The following TMTC2 variants were observed in gnomAD, a reference collection of about 807,000 sequenced individuals.
TMTC2 encodes the protein transmembrane O-mannosyltransferase targeting cadherins 2.
A neutral mutation model predicts 82.4 loss-of-function variants in TMTC2; 43 were observed. The ratio of observed to expected loss-of-function variants is 0.52; its 90% CI spans 0.41 to 0.67. TMTC2 has a LOEUF of 0.67. Ranked by LOEUF, TMTC2 falls within the 30% of genes least tolerant of loss-of-function variation. The pLI is 0.00. For synonymous variants in TMTC2, 408 were observed against 381.9 expected, an observed-to-expected ratio of 1.07 and a Z score of -0.80; for missense variants, 919 against 1,012.4, an observed-to-expected ratio of 0.91 and a Z score of 1.25.
At chr12:82,911,918 G>T (rs1014007244) in intron 3 of TMTC2, among the ~76,000 whole-genome samples, 3 of 152,092 alleles carry the variant, frequency 2.0e-5, no homozygotes, top group Non-Finnish European at 2.9e-5. Context: ...CCCATACTCG[G>T]ATTTGGTTAG....
intron 3 of TMTC2, among the ~76,000 whole-genome samples, chr12:82,918,149 A>G (rs1875128352): frequency 6.6e-6 from 1 of 152,034 alleles, no homozygotes; most frequent in South Asian, 2.1e-4. Flanking sequence ...GACTCAAGCA[A>G]TCCGCCCAGC....
At chr12:83,022,346 T>G (rs1482269676) in intron 8 of TMTC2, among the ~76,000 whole-genome samples, 1 of 146,688 alleles carries the variant, frequency 6.8e-6, no homozygotes, top group Non-Finnish European at 1.5e-5. Flanking sequence ...CCTTTGTCAC[T>G]TTATCACACA....
At position 82,951,970 on chromosome 12, in the gene TMTC2, T is replaced by G. The variant is rs555696570; in HGVS notation, c.1599-13054T>G. ...ATATGAGTAATGAGAATTCTTTTGC[T>G]TGGTCCTCGAATACAAAGTCTGCTA... On this transcript the variant is annotated intron_variant, in intron 4 of 11. Coordinates refer to ENST00000321196, the MANE Select transcript of TMTC2 (RefSeq NM_152588.3). Among the ~76,000 whole-genome samples, 73 of 152,304 alleles carry G rather than the reference T, an allele frequency of 4.8e-4. 1 individual carries two copies. The South Asian group carries it at 0.014, about 30-fold the overall frequency.
chr12:82,827,478 T>G (rs1869480727), intron 1 of TMTC2, among the ~76,000 whole-genome samples: 1 of 152,144 alleles, frequency 6.6e-6, no homozygotes. Flanking sequence ...TATTACGGCT[T>G]AAGTGGGGAA....
intron 2 of TMTC2, among the ~76,000 whole-genome samples, chr12:82,863,472 C>G (rs1871655093): frequency 6.6e-6 from 1 of 152,128 alleles, no homozygotes; most frequent in African/African-American, 2.4e-5. Flanking sequence ...AAACTTTGAA[C>G]AGCTGCCAAC....
chr12:83,038,069 T>C (rs1445232475), intron 9 of TMTC2, among the ~76,000 whole-genome samples: 1 of 134,368 alleles, frequency 7.4e-6, no homozygotes, highest in African/African-American at 2.8e-5. Flanking sequence ...TTCTCACTCA[T>C]AGGTAGGAAT....
intron 2 of TMTC2, among the ~76,000 whole-genome samples, chr12:82,869,096 T>C (rs1033072709): frequency 6.6e-5 from 10 of 152,252 alleles, no homozygotes; most frequent in African/African-American, 2.4e-4. Flanking sequence ...CATAAAAATA[T>C]GATTTACTTG....
chr12:82,903,723 C>A (rs1874152857), intron 3 of TMTC2, among the ~76,000 whole-genome samples: 1 of 152,292 alleles, frequency 6.6e-6, no homozygotes, highest in African/African-American at 2.4e-5. Context: ...GATATTTTTA[C>A]ATTTTAAAAA....
rs148497581 is a variant in TMTC2, at chr12:82,916,805, C to T, written c.1484-13626C>T. Among the ~76,000 whole-genome samples the T allele has an allele frequency of 1.6e-4, 24 of 152,114 alleles. No individual in the cohort carries two copies. In the East Asian group the frequency reaches 4.6e-3, roughly 29 times the overall value. Reference sequence around the variant, plus strand: ...GGAATACGTTTAGTTTCAGATCTATCTGAAATAACTACAGATAGGGGAAAG... The same window carrying T: ...GGAATACGTTTAGTTTCAGATCTATTTGAAATAACTACAGATAGGGGAAAG... On this transcript the variant is annotated intron_variant, in intron 3 of 11. Coordinates refer to ENST00000321196, the MANE Select transcript of TMTC2 (RefSeq NM_152588.3).
intron 1 of TMTC2, among the ~76,000 whole-genome samples, chr12:82,775,995 A>G (rs564199919): frequency 5.3e-5 from 8 of 152,074 alleles, no homozygotes; most frequent in Admixed American, 2.0e-4. Flanking sequence ...AAAGTTGTAC[A>G]TGCATGGGTT....
At chr12:82,702,377 A>C (rs752908667) in intron 1 of TMTC2, among the ~76,000 whole-genome samples, 10 of 152,188 alleles carry the variant, frequency 6.6e-5, no homozygotes, top group Non-Finnish European at 1.2e-4. Flanking sequence ...ATAGCAGCCT[A>C]GTTTTCTCTA....
chr12:83,064,129 A>G (rs541449123), intron 11 of TMTC2, among the ~76,000 whole-genome samples: 3 of 151,872 alleles, frequency 2.0e-5, no homozygotes, highest in South Asian at 2.1e-4. Context: ...CTTGAGTATC[A>G]TGTTGATTTT....
chr12:83,009,478 T>C (rs1880356931), intron 8 of TMTC2, among the ~76,000 whole-genome samples: 1 of 152,168 alleles, frequency 6.6e-6, no homozygotes, highest in Non-Finnish European at 1.5e-5. Flanking sequence ...CCACTATGAT[T>C]CTCTAGAATC....
At chr12:82,985,835 C>T (rs1879130504) in intron 7 of TMTC2, 90 bp from the exon 8 acceptor site, 1 of 1,457,062 alleles carries the variant, frequency 6.9e-7, no homozygotes, top group Non-Finnish European at 9.3e-7. Flanking sequence ...AAATTCCACG[C>T]AGTATGATGA....
intron 1 of TMTC2, among the ~76,000 whole-genome samples, chr12:82,730,505 C>G (rs1482174110): frequency 6.6e-6 from 1 of 152,060 alleles, no homozygotes; most frequent in African/African-American, 2.4e-5. Context: ...CTTCTATGTC[C>G]ACTTTAAACA....
At chr12:82,837,422 A>G (rs925140432) in intron 1 of TMTC2, among the ~76,000 whole-genome samples, 1 of 152,216 alleles carries the variant, frequency 6.6e-6, no homozygotes, top group Admixed American at 6.5e-5. Flanking sequence ...AGCCTGGGTA[A>G]CATAATGAGA....
intron 11 of TMTC2, among the ~76,000 whole-genome samples, chr12:83,063,795 C>CAGG (rs755519663): frequency 4.1e-4 from 62 of 151,946 alleles, no homozygotes; most frequent in Middle Eastern, 6.8e-3. Context: ...TGGTTAGGAG[C>CAGG]TACAATCTAG....
chr12:82,976,842 G>GA (rs1878697409), intron 7 of TMTC2, among the ~76,000 whole-genome samples: 2 of 151,868 alleles, frequency 1.3e-5, no homozygotes, highest in African/African-American at 2.4e-5. Context: ...GCAGGTTCTA[G>GA]AAAAAAAGAA....
intron 3 of TMTC2, among the ~76,000 whole-genome samples, chr12:82,903,113 TCTC>T (rs959294902): frequency 4.6e-5 from 7 of 152,234 alleles, no homozygotes; most frequent in Middle Eastern, 3.4e-3. Flanking sequence ...TGCAATGTGT[TCTC>T]CTGGTTATTC....
Sources: allele counts gnomAD v4.1 joint callset (sites outside exome capture counted in the v4.1 genomes callset), GRCh38; gene constraint gnomAD v4.1.1; transcripts MANE v1.5; gene names NCBI Gene and HGNC (gene_info 2026-07-23, HGNC 2026-07-21).